The following DNAL1 variants were observed in gnomAD, a reference collection of about 807,000 sequenced individuals.
DNAL1 encodes the protein chromosome 14 open reading frame 168.
Under a neutral mutation model 29.4 loss-of-function variants are expected in DNAL1, and 17 were observed. The observed-to-expected ratio is 0.58, with a 90% confidence interval of 0.40 to 0.87. The LOEUF is 0.87. Ranked by LOEUF, DNAL1 falls within the 40% of genes least tolerant of loss-of-function variation. DNAL1 has a pLI of 0.00. For synonymous variants in DNAL1, 78 were observed against 76.3 expected (o/e 1.02, Z -0.12); for missense variants, 188 against 214.1 (o/e 0.88, Z 0.76).
At chr14:73,656,064 G>A (rs1432595458) in intron 2 of DNAL1, among the ~76,000 whole-genome samples, 1 of 152,084 alleles carries the variant, frequency 6.6e-6, no homozygotes, top group Non-Finnish European at 1.5e-5. Context: ...CTAAGATCTA[G>A]TGTAGTTTTT....
chr14:73,699,011 C>T lies in DNAL1; in HGVS notation c.*3069C>T, dbSNP rs974894359. Reference sequence around the variant, plus strand: ...ATAATTCATTGTTGTTGGGGGCTGTCCTGTGTGCTTAGGATGTTCAGCTGC... The same window carrying T: ...ATAATTCATTGTTGTTGGGGGCTGTTCTGTGTGCTTAGGATGTTCAGCTGC... On this transcript the variant is annotated 3_prime_UTR_variant, in exon 8 of 8. Coordinates refer to ENST00000553645, the MANE Select transcript of DNAL1 (RefSeq NM_031427.4). 1 of 152,114 alleles carries T rather than the reference C, an allele frequency of 6.6e-6. No individual in the cohort carries two copies. Among genetic ancestry groups the T allele is most frequent in the African/African-American group, 2.4e-5 (1 of 41,394 alleles). 9.4% of individuals were successfully genotyped at this position (152,114 alleles called of 1,614,324 possible).
chr14:73,668,431 T>C (rs1316208460), intron 4 of DNAL1, among the ~76,000 whole-genome samples: 3 of 152,216 alleles, frequency 2.0e-5, no homozygotes, highest in Admixed American at 6.5e-5. Context: ...TTTTTTCATA[T>C]CAAGAAGCTT....
intron 4 of DNAL1, 62 bp from the exon 5 acceptor site, chr14:73,671,480 G>C (rs1347102792): frequency 7.4e-7 from 1 of 1,345,058 alleles, no homozygotes; most frequent in East Asian, 2.9e-5. Context: ...TATTATTCTA[G>C]ATTTACAACA....
chr14:73,652,883 C>T (rs553506819), intron 1 of DNAL1, among the ~76,000 whole-genome samples: 9 of 151,746 alleles, frequency 5.9e-5, no homozygotes, highest in Non-Finnish European at 1.2e-4. Context: ...TTATAATTTT[C>T]TTTTTAACCC....
Position 73,684,444 on chromosome 14 carries a change from A to G in DNAL1, c.265-2815A>G, listed in dbSNP as rs147982586. Reference sequence around the variant, plus strand: ...ATATTAAATAATATAAAAGCCATTTATTTTTGTATACTTAACATGTAATCA... The same window carrying G: ...ATATTAAATAATATAAAAGCCATTTGTTTTTGTATACTTAACATGTAATCA... On this transcript the variant is annotated intron_variant, in intron 5 of 7. Transcript: ENST00000553645. 7.6e-4 allele frequency among the ~76,000 whole-genome samples: 115 copies of G among 152,250 alleles called. 8 individuals are homozygous for G. In the East Asian group the frequency reaches 0.021, roughly 28 times the overall value.
Position 73,670,606 on chromosome 14 carries a change from C to T in DNAL1, c.209-936C>T, listed in dbSNP as rs184647799. Among the ~76,000 whole-genome samples, 5 of 152,088 alleles carry T rather than the reference C, an allele frequency of 3.3e-5. No homozygotes were observed. In the East Asian group the frequency reaches 7.7e-4, roughly 23 times the overall value. On this transcript the variant is annotated intron_variant, in intron 4 of 7. Coordinates refer to ENST00000553645, the MANE Select transcript of DNAL1 (RefSeq NM_031427.4). Reference sequence around the variant, plus strand: ...GGGAAATGTCTACTTCTGTTAGTTCCTCCCCAAAGACAACCACGGTTTCTA... The same window carrying T: ...GGGAAATGTCTACTTCTGTTAGTTCTTCCCCAAAGACAACCACGGTTTCTA...
intron 1 of DNAL1, among the ~76,000 whole-genome samples, chr14:73,649,564 G>A (rs1168112961): frequency 6.6e-6 from 1 of 152,078 alleles, no homozygotes. Context: ...TTACAGGTGT[G>A]AGCCACCGCG....
chr14:73,658,425 C>T (rs573156374), intron 2 of DNAL1, among the ~76,000 whole-genome samples: 1 of 152,002 alleles, frequency 6.6e-6, no homozygotes, highest in South Asian at 2.1e-4. Flanking sequence ...GGATTTTTTT[C>T]TATTCTGTGA....
At chr14:73,669,096 C>G (rs1891554808) in intron 4 of DNAL1, among the ~76,000 whole-genome samples, 1 of 152,112 alleles carries the variant, frequency 6.6e-6, no homozygotes, top group Non-Finnish European at 1.5e-5. Context: ...ACCTTAATTA[C>G]CCCTTTATTT....
chr14:73,668,039 T>A (rs1308993653), intron 4 of DNAL1, among the ~76,000 whole-genome samples: 15 of 152,230 alleles, frequency 9.9e-5, no homozygotes. Flanking sequence ...CCTTTGTACT[T>A]GAAGTTCTCT....
Position 73,697,275 on chromosome 14 carries a change from TG to T in DNAL1, c.*1334del, listed in dbSNP as rs1892320790. 6.6e-6 allele frequency: 1 copy of T among 152,186 alleles called. No homozygotes were observed. Among genetic ancestry groups the T allele is most frequent in the African/African-American group, 2.4e-5 (1 of 41,434 alleles). The allele number at this position is 152,186 out of a possible 1,614,324, so 9.4% of individuals were successfully genotyped here. ...TGATTCTGGTTTCCCCATCTACTTGTGTGATTTTACTTGCATAAAATCACAG... is the reference window on the plus strand; with the variant it reads ...TGATTCTGGTTTCCCCATCTACTTGTTGATTTTACTTGCATAAAATCACAG... On this transcript the variant is annotated 3_prime_UTR_variant, in exon 8 of 8. Coordinates refer to ENST00000553645, the MANE Select transcript of DNAL1 (RefSeq NM_031427.4).
rs772432569 is a variant in DNAL1, at chr14:73,702,834, A to T, written c.*6892A>T. 1.3e-5 allele frequency: 2 copies of T among 152,102 alleles called. No individual in the cohort carries two copies. The highest frequency in any genetic ancestry group is 2.9e-5 in the Non-Finnish European group (2 of 68,044). 9.4% of individuals were successfully genotyped at this position (152,102 alleles called of 1,614,324 possible). Reference sequence around the variant, plus strand: ...ATTTCTTGCTGCTGTCCTCCACTAAACAGCAGACAAATTGCCAGGTGTGCT... The same window carrying T: ...ATTTCTTGCTGCTGTCCTCCACTAATCAGCAGACAAATTGCCAGGTGTGCT... On this transcript the variant is annotated 3_prime_UTR_variant, in exon 8 of 8. Transcript: ENST00000553645.
intron 7 of DNAL1, among the ~76,000 whole-genome samples, chr14:73,693,694 G>T (rs1892229019): frequency 6.6e-6 from 1 of 151,954 alleles, no homozygotes. Context: ...CTGGGTAATA[G>T]AGCAAGACCT....
chr14:73,676,902 C>A (rs1891745580), intron 5 of DNAL1, among the ~76,000 whole-genome samples: 7 of 151,698 alleles, frequency 4.6e-5, no homozygotes, highest in Admixed American at 4.6e-4. Flanking sequence ...GTTTCTATTT[C>A]CATCACTGGC....
intron 2 of DNAL1, among the ~76,000 whole-genome samples, chr14:73,656,354 T>C (rs1416113969): frequency 6.6e-6 from 1 of 152,122 alleles, no homozygotes. Context: ...GATTTTATTT[T>C]ACTTACAATA....
At chr14:73,682,704 C>T (rs1891917685) in intron 5 of DNAL1, among the ~76,000 whole-genome samples, 1 of 151,616 alleles carries the variant, frequency 6.6e-6, no homozygotes, top group African/African-American at 2.4e-5. Flanking sequence ...CATACATTAG[C>T]CTAGGCCTAC....
chr14:73,651,137 T>A (rs1401363311), intron 1 of DNAL1: 1 of 152,158 alleles, frequency 6.6e-6, no homozygotes, highest in Non-Finnish European at 1.5e-5. Context: ...AATCTAATAT[T>A]TTTTTTTCTG....
chr14:73,663,694 T>C (rs1891409108), intron 4 of DNAL1, among the ~76,000 whole-genome samples: 1 of 152,194 alleles, frequency 6.6e-6, no homozygotes, highest in African/African-American at 2.4e-5. Context: ...TTATCCTAGT[T>C]CATTGCCTCA....
intron 7 of DNAL1, among the ~76,000 whole-genome samples, chr14:73,692,248 G>A (rs1386235839): frequency 3.3e-5 from 5 of 152,112 alleles, no homozygotes; most frequent in African/African-American, 9.7e-5. Flanking sequence ...TTGGGAGGCC[G>A]AGGTGGGTGG....
Sources: gnomAD v4.1 joint callset for allele counts (sites outside exome capture counted in the v4.1 genomes callset) on GRCh38, gnomAD v4.1.1 for gene constraint, MANE v1.5 for transcripts, NCBI Gene and HGNC (gene_info 2026-07-23, HGNC 2026-07-21) for gene names.